Variants in ST18 observed in about 807,000 individuals in gnomAD.
ST18 encodes suppression of tumorigenicity 18 protein.
ST18 carries 50 observed loss-of-function variants against 110.0 expected under a neutral mutation model. The observed-to-expected ratio is 0.45, with a 90% CI of 0.36 to 0.58. The LOEUF (loss-of-function observed/expected upper bound fraction) is 0.58. Among genes scored for constraint, ST18 ranks in the 20% least tolerant of loss-of-function variants. The pLI is 0.00. For missense variants in ST18, 1,306 were observed against 1,280.1 expected (o/e 1.02, Z -0.31); for synonymous variants, 461 against 452.4 (o/e 1.02, Z -0.24).
chr8:52,323,773 A>G (rs1044503362), intron 2 of ST18, among the ~76,000 whole-genome samples: 8 of 152,144 alleles, frequency 5.3e-5, no homozygotes, highest in Non-Finnish European at 1.5e-5. Flanking sequence ...GTTTGCTCCC[A>G]CACCACTCCA....
At chr8:52,313,573 G>C (rs958269132) in intron 2 of ST18, 4 of 152,450 alleles carry the variant, frequency 2.6e-5, no homozygotes, top group African/African-American at 4.8e-5. Flanking sequence ...TTTTATATTT[G>C]AGGTAAGAAG....
chr8:52,390,733 G>A (rs748310367), intron 2 of ST18, among the ~76,000 whole-genome samples: 1 of 152,172 alleles, frequency 6.6e-6, no homozygotes, highest in African/African-American at 2.4e-5. Flanking sequence ...CCACACACAT[G>A]CCCACTGGGC....
Position 52,212,226 on chromosome 8 carries a change from G to A in ST18, c.56-117C>T. The A allele has an allele frequency of 5.4e-6, 5 of 932,262 alleles. No individual in the cohort carries two copies. In the South Asian group the frequency reaches 6.3e-5, roughly 12 times the overall value. The allele number at this position is 932,262 out of a possible 1,614,324, so 57.7% of individuals were successfully genotyped here. A position where few individuals can be genotyped will look rare whatever the true frequency, so the allele number is the denominator to read the frequency against. On this transcript the variant is annotated intron_variant, in intron 7 of 25. Transcript: ENST00000689386. ...GACCAATAAGTTTCTCACTGGGTGGGTTCATCTTTTCTTGTTCTAGTTCTT... is the reference window on the plus strand; with the variant it reads ...GACCAATAAGTTTCTCACTGGGTGGATTCATCTTTTCTTGTTCTAGTTCTT...
At chr8:52,278,558 T>C (rs2095316955) in intron 2 of ST18, among the ~76,000 whole-genome samples, 1 of 152,072 alleles carries the variant, frequency 6.6e-6, no homozygotes, top group African/African-American at 2.4e-5. Flanking sequence ...CCCTTTTCCA[T>C]CTACCCCCAA....
chr8:52,126,827 T>C (rs1204007672), intron 22 of ST18, among the ~76,000 whole-genome samples: 7 of 152,212 alleles, frequency 4.6e-5, no homozygotes, highest in Non-Finnish European at 5.9e-5. Flanking sequence ...ACCCTTCCAT[T>C]TAGTAGTGGC....
chr8:52,196,599 C>T lies in ST18; in HGVS notation c.86+15480G>A, dbSNP rs549751556. Among the ~76,000 whole-genome samples the T allele has an allele frequency of 3.3e-4, 50 of 152,070 alleles. 1 individual carries two copies. The highest frequency in any genetic ancestry group is 2.5e-3 in the South Asian group (12 of 4,772). The stretch of plus-strand genomic sequence containing the variant: ...ACAATAGGTATTTTGAGAGAGAGAC[C>T]TCATTCATATAACTTTTATTGCAGC... On this transcript the variant is annotated intron_variant, in intron 8 of 25. Transcript: ENST00000689386.
chr8:52,163,410 C>T (rs569644501), intron 13 of ST18, among the ~76,000 whole-genome samples: 9 of 152,214 alleles, frequency 5.9e-5, no homozygotes, highest in African/African-American at 2.2e-4. Flanking sequence ...TAAATATCAT[C>T]ATATATACTT....
intron 5 of ST18, among the ~76,000 whole-genome samples, chr8:52,219,029 C>G (rs1251177077): frequency 1.3e-5 from 2 of 152,070 alleles, no homozygotes; most frequent in African/African-American, 2.4e-5. Context: ...AGGCCCAGAC[C>G]ACCAAACAAC....
chr8:52,341,477 A>G (rs1814981458), intron 2 of ST18, among the ~76,000 whole-genome samples: 1 of 152,230 alleles, frequency 6.6e-6, no homozygotes, highest in Admixed American at 6.5e-5. Context: ...CTGGAAATGA[A>G]GACTGCGTTG....
intron 2 of ST18, among the ~76,000 whole-genome samples, chr8:52,389,470 G>T (rs930225564): frequency 2.6e-5 from 4 of 152,196 alleles, no homozygotes; most frequent in Non-Finnish European, 4.4e-5. Flanking sequence ...CTTTGGTGGG[G>T]TCAAGGCACA....
chr8:52,274,525 T>TAAAATAATGAGACATATATATATA (rs1564388252), intron 2 of ST18, among the ~76,000 whole-genome samples: 1 of 152,046 alleles, frequency 6.6e-6, no homozygotes, highest in African/African-American at 2.4e-5. Flanking sequence ...AGTGGCAAGT[T>TAAAATAATGAGACATATATATATA]TCTTTTTTTC....
intron 15 of ST18, among the ~76,000 whole-genome samples, chr8:52,153,292 T>G (rs544792223): frequency 2.6e-5 from 4 of 152,362 alleles, no homozygotes; most frequent in Non-Finnish European, 5.9e-5. Context: ...ATGGGTCACC[T>G]GCCATTTTTT....
chr8:52,234,864 A>C (rs1024977453), intron 2 of ST18, among the ~76,000 whole-genome samples: 2 of 152,060 alleles, frequency 1.3e-5, no homozygotes, highest in African/African-American at 4.8e-5. Context: ...TAACTCAGGA[A>C]TGGAAAACCA....
At chr8:52,249,776 G>A (rs928621173) in intron 2 of ST18, among the ~76,000 whole-genome samples, 6 of 152,066 alleles carry the variant, frequency 3.9e-5, no homozygotes, top group African/African-American at 1.2e-4. Flanking sequence ...CCCAAACAAC[G>A]ATAGAGCAGG....
intron 2 of ST18, among the ~76,000 whole-genome samples, chr8:52,262,416 C>G (rs966559475): frequency 4.6e-5 from 7 of 152,128 alleles, no homozygotes; most frequent in African/African-American, 1.7e-4. Flanking sequence ...GGCAGTAAAA[C>G]CCTCCCAAAC....
At position 52,172,379 on chromosome 8, in the gene ST18, C is replaced by T. The variant is rs377601016; in HGVS notation, c.482G>A (p.Ser161Asn). Residue 161 changes from serine (S) to asparagine (N), a missense_variant, in exon 10 of 26, where the codon AGC (serine) becomes AAC (asparagine). Transcript: ENST00000689386. ...CAGAAAGCACTCGTCTGCTTCATCG[C>T]TCTCTGCTTTTAAAGACTGGATGCC... Reference protein sequence around the residue: ...DSGIQSLKAESDEADECFLIH... With the variant: ...DSGIQSLKAENDEADECFLIH... 6.2e-7 allele frequency: 1 copy of T among 1,614,068 alleles called. No individual in the cohort carries two copies. Among genetic ancestry groups the T allele is most frequent in the Admixed American group, 1.7e-5 (1 of 60,020 alleles).
intron 15 of ST18, among the ~76,000 whole-genome samples, chr8:52,157,850 G>C (rs936752633): frequency 6.6e-6 from 1 of 152,246 alleles, no homozygotes; most frequent in Admixed American, 6.5e-5. Flanking sequence ...TGACCATGCC[G>C]GGGACCGGCA....
At chr8:52,159,585 T>A (rs2060897943) in intron 14 of ST18, among the ~76,000 whole-genome samples, 1 of 152,210 alleles carries the variant, frequency 6.6e-6, no homozygotes, top group Non-Finnish European at 1.5e-5. Flanking sequence ...TACTTAGACA[T>A]GGAATTGTAT....
At position 52,389,770 on chromosome 8, in the gene ST18, G is replaced by A. The variant is rs75560546; in HGVS notation, c.-465+19558C>T. On this transcript the variant is annotated intron_variant, in intron 2 of 25. Coordinates refer to ENST00000689386, the MANE Select transcript of ST18 (RefSeq NM_001352837.2). ...GTCGTGCAGGTCCCCTGGGTCACAG[G>A]AAGCTGCTCTCTGAAGAGCCAGCCG... Among the ~76,000 whole-genome samples the A allele has an allele frequency of 4.6e-3, 701 of 152,288 alleles. 7 individuals are homozygous for A. Among genetic ancestry groups the A allele is most frequent in the African/African-American group, 0.016 (676 of 41,568 alleles).
Sources: allele counts gnomAD v4.1 joint callset (sites outside exome capture counted in the v4.1 genomes callset), GRCh38; gene constraint gnomAD v4.1.1; transcripts MANE v1.5; gene names NCBI Gene and HGNC (gene_info 2026-07-23, HGNC 2026-07-21).